Variants in PABPC4L observed in about 807,000 individuals in gnomAD.
PABPC4L encodes the protein poly(A) binding protein cytoplasmic 4 like, also known as polyadenylate-binding protein 4-like.
For synonymous variants in PABPC4L, 169 were observed against 164.1 expected (o/e 1.03, Z -0.23); for missense variants, 452 against 451.4 (o/e 1.00, Z -0.01).
chr4:134,124,858 G>T, the PABPC4L span, among the ~76,000 whole-genome samples: 139 of 152,148 alleles, frequency 9.1e-4, no homozygotes, highest in African/African-American at 3.1e-3. Context: ...TGCCTCATGG[G>T]TAATAATGTC....
chr4:134,019,870 A>T, the PABPC4L span, among the ~76,000 whole-genome samples: 1 of 152,260 alleles, frequency 6.6e-6, no homozygotes, highest in East Asian at 1.9e-4. Context: ...GTTATGTACC[A>T]GGGTAAAACA....
chr4:134,005,989 T>C, the PABPC4L span, among the ~76,000 whole-genome samples: 1 of 151,964 alleles, frequency 6.6e-6, no homozygotes, highest in South Asian at 2.1e-4. Flanking sequence ...AGCATAAATT[T>C]CAATGCAGAC....
the PABPC4L span, among the ~76,000 whole-genome samples, chr4:134,050,706 C>CAAAAAAA: frequency 0.014 from 1,169 of 82,494 alleles, 15 homozygotes; most frequent in African/African-American, 0.034. Flanking sequence ...CACCGTCTCC[C>CAAAAAAA]AAAAAAAAAA....
chr4:134,015,608 C>A, the PABPC4L span, among the ~76,000 whole-genome samples: 2,567 of 152,182 alleles, frequency 0.017, 71 homozygotes, highest in African/African-American at 0.059. Context: ...CGGCATAATT[C>A]TCATAAAAAC....
At chr4:134,186,474 A>T in the PABPC4L span, among the ~76,000 whole-genome samples, 2 of 152,200 alleles carry the variant, frequency 1.3e-5, no homozygotes, top group Non-Finnish European at 2.9e-5. Context: ...GGTGCTGGGA[A>T]AACTGGCTAG....
chr4:134,062,418 T>C, the PABPC4L span, among the ~76,000 whole-genome samples: 9 of 152,052 alleles, frequency 5.9e-5, no homozygotes, highest in African/African-American at 1.9e-4. Flanking sequence ...CCATCTCCCC[T>C]GCACAATCCT....
chr4:134,006,953 A>T, the PABPC4L span, among the ~76,000 whole-genome samples: 4 of 151,998 alleles, frequency 2.6e-5, no homozygotes, highest in Admixed American at 2.6e-4. Flanking sequence ...CAAGTTTATG[A>T]TATGTAATTA....
At chr4:134,030,417 T>G in the PABPC4L span, among the ~76,000 whole-genome samples, 2 of 152,234 alleles carry the variant, frequency 1.3e-5, no homozygotes, top group African/African-American at 2.4e-5. Flanking sequence ...TGATTTGGCT[T>G]TATTTTGTCA....
chr4:134,038,044 T>C, the PABPC4L span, among the ~76,000 whole-genome samples: 1 of 152,156 alleles, frequency 6.6e-6, no homozygotes, highest in African/African-American at 2.4e-5. Context: ...GGCTGTTGAA[T>C]GTTTTGAAGG....
the PABPC4L span, among the ~76,000 whole-genome samples, chr4:134,044,195 G>T: frequency 6.6e-6 from 1 of 152,020 alleles, no homozygotes; most frequent in East Asian, 1.9e-4. Flanking sequence ...GCCTCCCAAA[G>T]TGCTGGAATT....
In PABPC4L at chr4:134,197,640, T is replaced by A. The variant is rs1308287613; in HGVS notation, c.*2267A>T. ...AACACCCCAACAGGAAAATAAATTA[T>A]GATCATGAGACATTAACTTATAAGT... On this transcript the variant is annotated 3_prime_UTR_variant, in exon 2 of 2. Coordinates refer to ENST00000421491, the MANE Select transcript of PABPC4L (RefSeq NM_001114734.2). 6.6e-6 allele frequency: 1 copy of A among 151,780 alleles called. No homozygotes were observed. Among genetic ancestry groups the A allele is most frequent in the Non-Finnish European group, 1.5e-5 (1 of 67,694 alleles). The allele number at this position is 151,780 out of a possible 1,614,324, so 9.4% of individuals were successfully genotyped here.
chr4:133,998,637 T>C, the PABPC4L span, among the ~76,000 whole-genome samples: 1 of 152,028 alleles, frequency 6.6e-6, no homozygotes, highest in African/African-American at 2.4e-5. Flanking sequence ...TTTTTAATCA[T>C]TGCAGTTTTT....
At chr4:133,987,275 T>C in the PABPC4L span, among the ~76,000 whole-genome samples, 1 of 152,174 alleles carries the variant, frequency 6.6e-6, no homozygotes, top group African/African-American at 2.4e-5. Context: ...CTGAAGCAGG[T>C]GATAAGCTGC....
the PABPC4L span, among the ~76,000 whole-genome samples, chr4:133,985,059 G>A: frequency 2.6e-5 from 4 of 151,830 alleles, no homozygotes; most frequent in African/African-American, 9.7e-5. Flanking sequence ...TGTTGTTATC[G>A]AGCTAAGAAT....
the PABPC4L span, among the ~76,000 whole-genome samples, chr4:133,989,766 A>G: frequency 1.9e-3 from 289 of 152,164 alleles, 2 homozygotes; most frequent in African/African-American, 6.6e-3. Context: ...AATTTTCTGT[A>G]TTAGTCTGTT....
the PABPC4L span, among the ~76,000 whole-genome samples, chr4:134,100,927 A>G: frequency 6.6e-6 from 1 of 151,634 alleles, no homozygotes; most frequent in Non-Finnish European, 1.5e-5. Context: ...TAAAGATATA[A>G]AATAATAATT....
the PABPC4L span, among the ~76,000 whole-genome samples, chr4:134,092,821 C>T: frequency 0.013 from 1,925 of 152,158 alleles, 40 homozygotes; most frequent in African/African-American, 0.041. Flanking sequence ...GGTCAGGGAA[C>T]ACTCCCGCCT....
Position 134,200,900 on chromosome 4 carries a change from G to A in PABPC4L, c.120C>T (p.Arg40=). The change falls in exon 2 of 2, where the codon CGC becomes CGT. Residue 40 remains arginine (R), a synonymous_variant. Coordinates refer to ENST00000421491, the MANE Select transcript of PABPC4L (RefSeq NM_001114734.2). ...GGCGGGTGACCTGGTCCCTGCAAAT[G>A]CGGATGGACAGCACAGGCCCCACAG... is the stretch of plus-strand genomic sequence containing the variant. ...FSTVGPVLSI[R]ICRDQVTRRS... is the part of the protein sequence containing the mutation. 1 of 1,560,708 alleles carries A rather than the reference G, an allele frequency of 6.4e-7. No homozygotes were observed. The highest frequency in any genetic ancestry group is 8.7e-7 in the Non-Finnish European group (1 of 1,152,096).
the PABPC4L span, among the ~76,000 whole-genome samples, chr4:134,107,992 G>A: frequency 1.5e-4 from 22 of 151,420 alleles, no homozygotes; most frequent in African/African-American, 5.1e-4. Flanking sequence ...TAAAGCTTAA[G>A]AGACAAATTT....
Sources: allele counts gnomAD v4.1 joint callset (sites outside exome capture counted in the v4.1 genomes callset), GRCh38; gene constraint gnomAD v4.1.1; transcripts MANE v1.5; gene names NCBI Gene and HGNC (gene_info 2026-07-23, HGNC 2026-07-21).